MROH1: variants seen among roughly 807,000 people sequenced by gnomAD.
The protein encoded by MROH1 is maestro heat like repeat family member 1.
Under a neutral mutation model 116.5 loss-of-function variants are expected in MROH1, and 117 were observed. That is an observed-to-expected ratio of 1.00 (90% CI 0.86 to 1.17). The LOEUF is 1.17. MROH1 is among the 50% of genes most tolerant of loss of function. MROH1 has a pLI of 0.00. For missense variants in MROH1, 1,873 were observed against 1,338.5 expected, an observed-to-expected ratio of 1.40 and a Z score of -6.23; for synonymous variants, 921 against 583.9, an observed-to-expected ratio of 1.58 and a Z score of -8.32.
rs1430112179 is a variant in MROH1 at position 144,261,096 on chromosome 8, G to A, written c.4672-18G>A. The stretch of plus-strand genomic sequence containing the variant: ...GGGTGGGGCGGGGCCAGGCGGCACT[G>A]ACCAGGCCTCTCCCCAGATGCACCA... On this transcript the variant is annotated intron_variant, in intron 41 of 43. Transcript: ENST00000326134. The A allele has an allele frequency of 3.9e-6, 3 of 775,310 alleles. No individual in the cohort carries two copies. Among genetic ancestry groups the A allele is most frequent in the African/African-American group, 3.4e-5 (2 of 59,044 alleles). The allele number at this position is 775,310 out of a possible 1,614,324, so 48.0% of individuals were successfully genotyped here. A position where few individuals can be genotyped will look rare whatever the true frequency, so the allele number is the denominator to read the frequency against.
At chr8:144,169,458 A>ATTAT (rs1554783114) in intron 4 of MROH1, among the ~76,000 whole-genome samples, 6 of 144,690 alleles carry the variant, frequency 4.1e-5, no homozygotes, top group Non-Finnish European at 6.0e-5. Flanking sequence ...CATTATTGTT[A>ATTAT]TTTTTTTTTT....
chr8:144,250,484 G>A, intron 33 of MROH1, 118 bp downstream of exon 33: 2 of 699,832 alleles, frequency 2.9e-6, no homozygotes, highest in Non-Finnish European at 5.2e-6. Context: ...AGTTCCCATG[G>A]CTGTAGGCCA....
At position 144,169,218 on chromosome 8, in the gene MROH1, G is replaced by T. The variant is rs530837268; in HGVS notation, c.168+778G>T. Among the ~76,000 whole-genome samples, 14 of 152,296 alleles carry T rather than the reference G, an allele frequency of 9.2e-5. No homozygotes were observed. In the South Asian group the frequency reaches 2.9e-3, roughly 32 times the overall value. ...GGAAGAGGCTTTTGCAGTATCAAAAGGCCATTATTCTTTTTGTTTTATTTA... is the reference window on the plus strand; with the variant it reads ...GGAAGAGGCTTTTGCAGTATCAAAATGCCATTATTCTTTTTGTTTTATTTA... On this transcript the variant is annotated intron_variant, in intron 4 of 43. Coordinates refer to ENST00000326134, the MANE Select transcript of MROH1 (RefSeq NM_032450.3).
intron 12 of MROH1, among the ~76,000 whole-genome samples, chr8:144,211,345 AT>A (rs1834052023): frequency 6.6e-6 from 1 of 152,210 alleles, no homozygotes; most frequent in Non-Finnish European, 1.5e-5. Flanking sequence ...TAATTCTATC[AT>A]TTATTTTTCA....
intron 4 of MROH1, 76 bp from the exon 5 acceptor site, chr8:144,179,379 A>G: frequency 2.5e-6 from 4 of 1,579,986 alleles, no homozygotes; most frequent in Non-Finnish European, 3.5e-6. Flanking sequence ...TTCATCTTGT[A>G]GAGACAGTGA....
intron 14 of MROH1, among the ~76,000 whole-genome samples, chr8:144,234,428 G>C (rs936985303): frequency 7.2e-6 from 1 of 138,556 alleles, no homozygotes; most frequent in Non-Finnish European, 1.6e-5. Flanking sequence ...CACGTTTTTC[G>C]TTAGATTTAT....
At chr8:144,211,849 C>T (rs1176786453) in intron 12 of MROH1, among the ~76,000 whole-genome samples, 1 of 152,148 alleles carries the variant, frequency 6.6e-6, no homozygotes, top group Non-Finnish European at 1.5e-5. Context: ...TGGAAGGACG[C>T]ATTTGATGGC....
At chr8:144,148,633 T>C (rs1401198698) in intron 1 of MROH1, 1 of 152,716 alleles carries the variant, frequency 6.5e-6, no homozygotes, top group Non-Finnish European at 1.5e-5. Context: ...GATTTGTCCC[T>C]AGTCACGAGG....
intron 4 of MROH1, among the ~76,000 whole-genome samples, chr8:144,174,472 A>G (rs1203572027): frequency 6.6e-6 from 1 of 151,222 alleles, no homozygotes; most frequent in Non-Finnish European, 1.5e-5. Flanking sequence ...CACAAGTAAT[A>G]CATAACCTTT....
chr8:144,183,940 C>A (rs964881849), intron 7 of MROH1, among the ~76,000 whole-genome samples: 2 of 152,172 alleles, frequency 1.3e-5, no homozygotes, highest in African/African-American at 4.8e-5. Flanking sequence ...GACCACCGCG[C>A]CTGGCCAGAC....
In MROH1 at chr8:144,180,355, G is replaced by A; in HGVS notation, c.463+15G>A. 6.2e-7 allele frequency: 1 copy of A among 1,607,254 alleles called. No homozygotes were observed. ...GGTGGCCAACGGTAGGTGACGCGCG[G>A]CCTGCCCCAGGAGGAGCACGGGGCG... On this transcript the variant is annotated intron_variant, in intron 6 of 43. Coordinates refer to ENST00000326134, the MANE Select transcript of MROH1 (RefSeq NM_032450.3). The surrounding 1 kb of genome is among the most constrained non-coding windows in gnomAD (Gnocchi z 7.4).
intron 12 of MROH1, chr8:144,201,308 C>G (rs1323462160): frequency 6.6e-6 from 1 of 152,220 alleles, no homozygotes. Context: ...ATCCACCCAC[C>G]TCGGCCTTCC....
intron 12 of MROH1, among the ~76,000 whole-genome samples, chr8:144,206,453 G>A (rs547825911): frequency 8.4e-5 from 12 of 143,262 alleles, no homozygotes; most frequent in Admixed American, 1.4e-4. Flanking sequence ...ACATAGTTTC[G>A]CTCTTGTTGC....
At chr8:144,188,976 G>A (rs114433889) in intron 7 of MROH1, among the ~76,000 whole-genome samples, 4,749 of 152,286 alleles carry the variant, frequency 0.031, 258 homozygotes, top group African/African-American at 0.11. Flanking sequence ...GAACCACACA[G>A]CCAGCCAACA....
At chr8:144,241,260 G>A (rs1196502804) in intron 21 of MROH1, 135 bp from the exon 22 acceptor site, 3 of 690,940 alleles carry the variant, frequency 4.3e-6, no homozygotes, top group Non-Finnish European at 8.1e-6. Context: ...GAGAGGGTGT[G>A]TGCATGTGTT....
intron 12 of MROH1, among the ~76,000 whole-genome samples, chr8:144,215,926 C>T: frequency 6.6e-6 from 1 of 151,642 alleles, no homozygotes; most frequent in East Asian, 1.9e-4. Context: ...GTGGCTCACG[C>T]CTGTAATCCC....
At chr8:144,235,317 TA>T (rs1554824294) in intron 14 of MROH1, among the ~76,000 whole-genome samples, 1 of 152,266 alleles carries the variant, frequency 6.6e-6, no homozygotes, top group Non-Finnish European at 1.5e-5. Flanking sequence ...ACTATAGTTT[TA>T]CTTCTTTTTT....
At chr8:144,223,269 C>T in intron 14 of MROH1, 39 bp downstream of exon 14, 1 of 1,561,700 alleles carries the variant, frequency 6.4e-7, no homozygotes, top group African/African-American at 1.4e-5. Context: ...TAGGCCCACG[C>T]TGCCCCTGGC....
chr8:144,171,874 G>A (rs72695449), intron 4 of MROH1, among the ~76,000 whole-genome samples: 3,054 of 152,302 alleles, frequency 0.02, 40 homozygotes, highest in Middle Eastern at 0.085. Context: ...TGTCCAAGGA[G>A]ACCCGGGAGC....
Sources: allele counts gnomAD v4.1 joint callset (sites outside exome capture counted in the v4.1 genomes callset), GRCh38; gene constraint gnomAD v4.1.1; non-coding constraint Gnocchi (gnomAD v3.1); transcripts MANE v1.5; gene names NCBI Gene and HGNC (gene_info 2026-07-23, HGNC 2026-07-21).